Variants in IGF1R observed in about 807,000 individuals in gnomAD.
IGF1R encodes insulin-like growth factor 1 receptor.
IGF1R carries 44 observed loss-of-function variants against 144.6 expected under a neutral mutation model. The observed-to-expected ratio is 0.30, with a 90% CI of 0.24 to 0.39. IGF1R has a LOEUF of 0.39. Ranked by LOEUF, IGF1R falls within the 10% of genes least tolerant of loss-of-function variation. The pLI is 1.00. For missense variants in IGF1R, 1,355 were observed against 1,833.7 expected, an observed-to-expected ratio of 0.74 and a Z score of 4.77; for synonymous variants, 795 against 722.8, an observed-to-expected ratio of 1.10 and a Z score of -1.60.
chr15:98,656,567 TA>T (rs1371159434), intron 1 of IGF1R, among the ~76,000 whole-genome samples: 1 of 151,952 alleles, frequency 6.6e-6, no homozygotes, highest in Non-Finnish European at 1.5e-5. Context: ...AATACATATA[TA>T]AAAATAAATT....
intron 1 of IGF1R, among the ~76,000 whole-genome samples, chr15:98,650,603 G>T (rs556164393): frequency 1.4e-4 from 21 of 152,238 alleles, no homozygotes; most frequent in Non-Finnish European, 2.8e-4. Flanking sequence ...ACACGTGCTC[G>T]CAGCGCGGGG....
rs146023463 is a variant in IGF1R at position 98,924,596 on chromosome 15, G to A, written c.2694G>A (p.Pro898=). The A allele has an allele frequency of 2.4e-5, 39 of 1,613,954 alleles. No homozygotes were observed. The highest frequency in any genetic ancestry group is 3.3e-4 in the Middle Eastern group (2 of 6,082). Residue 898 remains proline, a synonymous_variant, in exon 13 of 21, where the codon CCG becomes CCA. Transcript: ENST00000650285. ...GGGCCAAGCTAAACCGGCTAAACCC[G>A]GGGAACTACACAGCCCGGATTCAGG... ...YGGAKLNRLN[P]GNYTARIQAT... is the part of the protein sequence containing the mutation.
rs374766390 is a variant in IGF1R at position 98,913,611 on chromosome 15, A to G, written c.1828+329A>G. On this transcript the variant is annotated intron_variant, in intron 8 of 20. Coordinates refer to ENST00000650285, the MANE Select transcript of IGF1R (RefSeq NM_000875.5). The stretch of plus-strand genomic sequence containing the variant: ...TGTTTCTTGTTTGTTTTGATGTTCA[A>G]TCCTCCAGGAACTGAAACCATGCTG... Among the ~76,000 whole-genome samples the G allele has an allele frequency of 1.3e-3, 195 of 152,264 alleles. 1 individual carries two copies. The highest frequency in any genetic ancestry group is 4.6e-3 in the African/African-American group (190 of 41,544).
intron 5 of IGF1R, among the ~76,000 whole-genome samples, chr15:98,902,951 T>C (rs1483839367): frequency 2.6e-5 from 4 of 152,178 alleles, no homozygotes; most frequent in African/African-American, 7.2e-5. Context: ...AGAGCTCTTA[T>C]TCCTCACTCA....
Position 98,757,280 on chromosome 15 carries a change from C to T in IGF1R, c.640+49173C>T, listed in dbSNP as rs375286245. Among the ~76,000 whole-genome samples, 29 of 152,222 alleles carry T rather than the reference C, an allele frequency of 1.9e-4. 1 individual carries two copies. In the East Asian group the frequency reaches 5.6e-3, roughly 29 times the overall value. ...CTGGATTCAAGTGGTTCTCCTGCCTCAGCCTCCTGAGTAGCTGGGATTATA... is the reference window on the plus strand; with the variant it reads ...CTGGATTCAAGTGGTTCTCCTGCCTTAGCCTCCTGAGTAGCTGGGATTATA... On this transcript the variant is annotated intron_variant, in intron 2 of 20. Coordinates refer to ENST00000650285, the MANE Select transcript of IGF1R (RefSeq NM_000875.5).
chr15:98,763,301 A>T (rs1052218252), intron 2 of IGF1R, among the ~76,000 whole-genome samples: 4 of 151,984 alleles, frequency 2.6e-5, no homozygotes, highest in African/African-American at 9.7e-5. Context: ...GTTTTTCTTC[A>T]TGTGTTTAGG....
chr15:98,866,917 A>G (rs966091014), intron 2 of IGF1R, among the ~76,000 whole-genome samples: 1 of 152,142 alleles, frequency 6.6e-6, no homozygotes, highest in Admixed American at 6.6e-5. Context: ...GAATTTGTTT[A>G]AACAAATGAC....
At position 98,896,867 on chromosome 15, in the gene IGF1R, T is replaced by A. The variant is rs767532157; in HGVS notation, c.1064T>A (p.Ile355Asn). 1 of 1,614,166 alleles carries A rather than the reference T, an allele frequency of 6.2e-7. No homozygotes were observed. Among genetic ancestry groups the A allele is most frequent in the South Asian group, 1.1e-5 (1 of 91,082 alleles). Reference sequence around the variant, plus strand: ...GCTCAGATGCTCCAAGGATGCACCATCTTCAAGGGCAATTTGCTCATTAAC... The same window carrying A: ...GCTCAGATGCTCCAAGGATGCACCAACTTCAAGGGCAATTTGCTCATTAAC... ...TSAQMLQGCT[I>N]FKGNLLINIR... The change falls in exon 4 of 21, where the codon ATC becomes AAC. Residue 355 changes from isoleucine (I) to asparagine (N), a missense_variant. Ile to Asn is a moderately radical substitution (Grantham distance 149, BLOSUM62 -3). Coordinates refer to ENST00000650285, the MANE Select transcript of IGF1R (RefSeq NM_000875.5).
chr15:98,903,744 A>G (rs542171395), intron 5 of IGF1R, among the ~76,000 whole-genome samples: 19 of 152,388 alleles, frequency 1.2e-4, no homozygotes, highest in Non-Finnish European at 8.8e-5. Context: ...CTACTCAACA[A>G]TAAAAAGACG....
intron 6 of IGF1R, among the ~76,000 whole-genome samples, chr15:98,909,238 TTTTC>T (rs2014878239): frequency 3.1e-5 from 2 of 64,556 alleles, no homozygotes; most frequent in Admixed American, 2.4e-4. Flanking sequence ...TTCTTTTTTC[TTTTC>T]TTTTTTTTCT....
intron 2 of IGF1R, among the ~76,000 whole-genome samples, chr15:98,854,856 G>C (rs1198739389): frequency 6.6e-6 from 1 of 151,998 alleles, no homozygotes; most frequent in African/African-American, 2.4e-5. Flanking sequence ...GAGGCAGTAC[G>C]AGTACCCTGG....
chr15:98,932,668 C>A (rs1368128105), intron 15 of IGF1R, among the ~76,000 whole-genome samples: 1 of 152,176 alleles, frequency 6.6e-6, no homozygotes, highest in Non-Finnish European at 1.5e-5. Context: ...TTCTGAGGCG[C>A]ATTGTGAAGA....
chr15:98,846,539 C>T (rs1475730050), intron 2 of IGF1R, among the ~76,000 whole-genome samples: 1 of 152,168 alleles, frequency 6.6e-6, no homozygotes, highest in Non-Finnish European at 1.5e-5. Flanking sequence ...AGTTGGGTGA[C>T]TTCGGGATGG....
intron 13 of IGF1R, among the ~76,000 whole-genome samples, chr15:98,925,776 C>T (rs1192172681): frequency 4.6e-5 from 7 of 152,140 alleles, no homozygotes; most frequent in Non-Finnish European, 8.8e-5. Context: ...TGGTGGTACA[C>T]GCCTGTAATC....
chr15:98,785,814 A>C (rs2055979234), intron 2 of IGF1R, among the ~76,000 whole-genome samples: 1 of 152,130 alleles, frequency 6.6e-6, no homozygotes, highest in Non-Finnish European at 1.5e-5. Flanking sequence ...GGAGGGTCTG[A>C]CCATGTGAGG....
At chr15:98,772,599 C>A (rs2055615781) in intron 2 of IGF1R, among the ~76,000 whole-genome samples, 1 of 151,454 alleles carries the variant, frequency 6.6e-6, no homozygotes, top group African/African-American at 2.4e-5. Flanking sequence ...TGGGCTCAAA[C>A]AGTCCTCCTC....
At position 98,649,079 on chromosome 15, in the gene IGF1R, T is replaced by G; in HGVS notation, c.-503T>G. On this transcript the variant is annotated 5_prime_UTR_variant, in exon 1 of 21. Coordinates refer to ENST00000650285, the MANE Select transcript of IGF1R (RefSeq NM_000875.5). ...CCGCTCATTCATTTTGACTCCGCGT[T>G]TCTGCCCCTCGCCGGCCTCGCCTGT... 4.6e-6 allele frequency: 1 copy of G among 219,022 alleles called. No individual in the cohort carries two copies. The highest frequency in any genetic ancestry group is 9.2e-6 in the Non-Finnish European group (1 of 109,258). The allele number at this position is 219,022 out of a possible 1,614,324, so 13.6% of individuals were successfully genotyped here.
intron 2 of IGF1R, among the ~76,000 whole-genome samples, chr15:98,882,084 G>T (rs977141923): frequency 6.6e-6 from 1 of 152,228 alleles, no homozygotes; most frequent in African/African-American, 2.4e-5. Context: ...CGGCAAGCAA[G>T]CTGCTTTGGG....
At chr15:98,850,434 G>A (rs1467395843) in intron 2 of IGF1R, among the ~76,000 whole-genome samples, 2 of 152,178 alleles carry the variant, frequency 1.3e-5, no homozygotes, top group Non-Finnish European at 2.9e-5. Flanking sequence ...CCTGGGGGGG[G>A]CACCACCTGG....
Sources: allele counts gnomAD v4.1 joint callset (sites outside exome capture counted in the v4.1 genomes callset), GRCh38; gene constraint gnomAD v4.1.1; transcripts MANE v1.5; gene names NCBI Gene and HGNC (gene_info 2026-07-23, HGNC 2026-07-21).